RAG2: variants seen among roughly 807,000 people sequenced by gnomAD.
RAG2 encodes the protein V(D)J recombination-activating protein 2.
RAG2 carries 16 observed loss-of-function variants against 31.8 expected under a neutral mutation model. The ratio of observed to expected loss-of-function variants is 0.50; its 90% CI spans 0.34 to 0.76. RAG2 has a LOEUF of 0.76. Among genes scored for constraint, RAG2 ranks in the 30% least tolerant of loss-of-function variants. The pLI, the probability that RAG2 is intolerant of heterozygous loss-of-function variation, is 0.01. For synonymous variants in RAG2, 199 were observed against 215.9 expected (o/e 0.92, Z 0.68); for missense variants, 622 against 628.5 (o/e 0.99, Z 0.11).
Position 36,593,398 on chromosome 11 carries a change from A to G in RAG2, c.771T>C (p.Ser257=), listed in dbSNP as rs1450589029. Reference sequence around the variant, plus strand: ...TTTGAGTCAGGATTGCACTGGAGACAGAGATTCCTCCTGGCAAGACTGTGC... The same window carrying G: ...TTTGAGTCAGGATTGCACTGGAGACGGAGATTCCTCCTGGCAAGACTGTGC... The part of the protein sequence containing the change: ...VNCTVLPGGI[S]VSSAILTQTN... Residue 257 remains serine (S), a synonymous_variant, in exon 2 of 2, where the codon TCT becomes TCC. Transcript: ENST00000311485. 2 of 1,614,144 alleles carry G rather than the reference A, an allele frequency of 1.2e-6. No homozygotes were observed. The highest frequency in any genetic ancestry group is 1.3e-5 in the African/African-American group (1 of 75,058).
downstream of RAG2, among the ~76,000 whole-genome samples, chr11:36,591,407 A>AT (rs1301753296): frequency 4.0e-5 from 6 of 151,350 alleles, no homozygotes; most frequent in Admixed American, 2.0e-4. Context: ...TTTCCAGAAA[A>AT]TTTTTTTTTC....
intron 1 of RAG2, among the ~76,000 whole-genome samples, chr11:36,597,178 G>T (rs1851303793): frequency 6.6e-6 from 1 of 152,174 alleles, no homozygotes; most frequent in Non-Finnish European, 1.5e-5. Context: ...GTTTTCACAT[G>T]ATTTTGCCAC....
rs1308843532 is a variant in RAG2, at chr11:36,593,081, G to A, written c.1088C>T (p.Thr363Ile). 1 of 1,614,074 alleles carries A rather than the reference G, an allele frequency of 6.2e-7. No individual in the cohort carries two copies. The highest frequency in any genetic ancestry group is 8.5e-7 in the Non-Finnish European group (1 of 1,179,950). The change falls in exon 2 of 2, where the codon ACA becomes ATA. Residue 363 changes from threonine to isoleucine, a missense_variant. Physicochemically the swap from Thr to Ile is moderately conservative, Grantham distance 89. Coordinates refer to ENST00000311485, the MANE Select transcript of RAG2 (RefSeq NM_000536.4). ...DDTNEEQTTFTNSQTSTEDPG... is the reference protein window; with the variant it reads ...DDTNEEQTTFINSQTSTEDPG... ...ATCTTCTGTTGATGTTTGACTGTTT[G>A]TGAATGTTGTCTGCTCTTCATTAGT...
In RAG2 at chr11:36,592,892, T is replaced by G; in HGVS notation, c.1277A>C (p.Asp426Ala). The change falls in exon 2 of 2, where the codon GAT (aspartate) becomes GCT (alanine). Residue 426 changes from aspartate to alanine, a missense_variant. Asp to Ala is a moderately radical substitution (Grantham distance 126). Coordinates refer to ENST00000311485, the MANE Select transcript of RAG2 (RefSeq NM_000536.4). ...ATAGAATGGTACCCAAGTGTTGATATCCACATCACAAGTAGGGCAGCATGT... is the reference window on the plus strand; with the variant it reads ...ATAGAATGGTACCCAAGTGTTGATAGCCACATCACAAGTAGGGCAGCATGT... ...WITCCPTCDV[D>A]INTWVPFYST... 1 of 1,614,154 alleles carries G rather than the reference T, an allele frequency of 6.2e-7. No individual in the cohort carries two copies. The highest frequency in any genetic ancestry group is 8.5e-7 in the Non-Finnish European group (1 of 1,180,034).
rs780060712 is a variant in RAG2 at position 36,594,137 on chromosome 11, T to C, written c.32A>G (p.Asn11Ser). The change falls in exon 2 of 2, where the codon AAC (asparagine) becomes AGC (serine). Residue 11 changes from asparagine to serine, a missense_variant. By Grantham distance (46) the Asn-to-Ser change is conservative. Coordinates refer to ENST00000311485, the MANE Select transcript of RAG2 (RefSeq NM_000536.4). MSLQMVTVSN[N>S]IALIQPGFSL... is the part of the protein sequence containing the mutation. Reference sequence around the variant, plus strand: ...GAAGCCTGGCTGAATTAAGGCTATGTTATTACTGACTGTTACCATCTGCAG... The same window carrying C: ...GAAGCCTGGCTGAATTAAGGCTATGCTATTACTGACTGTTACCATCTGCAG... The C allele has an allele frequency of 2.5e-6, 4 of 1,613,760 alleles. No homozygotes were observed. In the South Asian group the frequency reaches 4.4e-5, roughly 18 times the overall value.
intron 1 of RAG2, 58 bp from the exon 2 acceptor site, chr11:36,594,253 A>T: frequency 8.9e-7 from 1 of 1,119,738 alleles, no homozygotes; most frequent in African/African-American, 1.5e-5. Flanking sequence ...CATCGTATTT[A>T]GATTCCTTCA....
chr11:36,596,229 T>TG (rs980812622), intron 1 of RAG2, among the ~76,000 whole-genome samples: 6 of 150,848 alleles, frequency 4.0e-5, no homozygotes, highest in African/African-American at 1.2e-4. Flanking sequence ...TTTGTTTTTT[T>TG]TTTTTTTTGC....
chr11:36,596,265 G>A (rs16929106), intron 1 of RAG2, among the ~76,000 whole-genome samples: 1,728 of 130,618 alleles, frequency 0.013, 19 homozygotes, highest in East Asian at 0.033. Context: ...TAGATCAGCT[G>A]TAATTTACTG....
In RAG2 at chr11:36,594,132, C is replaced by T; in HGVS notation, c.37G>A (p.Ala13Thr). ...LQMVTVSNNIALIQPGFSLMN... is the reference protein window; with the variant it reads ...LQMVTVSNNITLIQPGFSLMN... The stretch of plus-strand genomic sequence containing the variant: ...AGTGAGAAGCCTGGCTGAATTAAGG[C>T]TATGTTATTACTGACTGTTACCATC... Residue 13 changes from alanine to threonine, a missense_variant, in exon 2 of 2, where the codon GCC becomes ACC. Coordinates refer to ENST00000311485, the MANE Select transcript of RAG2 (RefSeq NM_000536.4). 1.2e-6 allele frequency: 2 copies of T among 1,613,906 alleles called. No homozygotes were observed. The highest frequency in any genetic ancestry group is 2.2e-5 in the East Asian group (1 of 44,888).
chr11:36,596,331 G>C (rs1482936171), intron 1 of RAG2, among the ~76,000 whole-genome samples: 1 of 151,714 alleles, frequency 6.6e-6, no homozygotes, highest in Non-Finnish European at 1.5e-5. Flanking sequence ...TCGTAAGGGG[G>C]TGATCTTTCA....
rs1429482634 is a variant in RAG2 at position 36,592,826 on chromosome 11, T to C, written c.1343A>G (p.His448Arg). 2 of 1,614,130 alleles carry C rather than the reference T, an allele frequency of 1.2e-6. No homozygotes were observed. Among genetic ancestry groups the C allele is most frequent in the Non-Finnish European group, 1.7e-6 (2 of 1,180,028 alleles). ...LNKPAMIYCS[H>R]GDGHWVHAQC... is the part of the protein sequence containing the mutation. Reference sequence around the variant, plus strand: ...AGCATGGACCCAGTGCCCATCCCCATGAGAGCAGTAGATCATGGCGGGTTT... The same window carrying C: ...AGCATGGACCCAGTGCCCATCCCCACGAGAGCAGTAGATCATGGCGGGTTT... Residue 448 changes from histidine to arginine, a missense_variant, in exon 2 of 2, where the codon CAT (histidine) becomes CGT (arginine). Transcript: ENST00000311485.
At position 36,593,442 on chromosome 11, in the gene RAG2, C is replaced by T. The variant is rs777301719; in HGVS notation, c.727G>A (p.Gly243Ser). 1.9e-6 allele frequency: 3 copies of T among 1,613,930 alleles called. No individual in the cohort carries two copies. Among genetic ancestry groups the T allele is most frequent in the Non-Finnish European group, 2.5e-6 (3 of 1,180,028 alleles). The change falls in exon 2 of 2, where the codon GGT becomes AGT. Residue 243 changes from glycine to serine, a missense_variant. Physicochemically the swap from Gly to Ser is moderately conservative, Grantham distance 56 (BLOSUM62 0). Transcript: ENST00000311485. ...ACTGTGCAATTCACAGCTGGGCTAC[C>T]CAGGGGAAGATCAACCCTTATTCTG... ...LYRIRVDLPL[G>S]SPAVNCTVLP...
rs1414786086 is a variant in RAG2 at position 36,592,554 on chromosome 11, A to G, written c.*31T>C. On this transcript the variant is annotated 3_prime_UTR_variant, in exon 2 of 2. Transcript: ENST00000311485. Reference sequence around the variant, plus strand: ...TTTTAAAAATAGATTCAAAAATTCCATACACCTGAATCTGAAAGGCTTTTG... The same window carrying G: ...TTTTAAAAATAGATTCAAAAATTCCGTACACCTGAATCTGAAAGGCTTTTG... 7 of 1,609,516 alleles carry G rather than the reference A, an allele frequency of 4.3e-6. No individual in the cohort carries two copies. Among genetic ancestry groups the G allele is most frequent in the Non-Finnish European group, 5.9e-6 (7 of 1,176,822 alleles).
intron 1 of RAG2, among the ~76,000 whole-genome samples, chr11:36,596,212 TTTTTTTTTTG>T (rs996353697): frequency 8.0e-6 from 1 of 125,698 alleles, no homozygotes; most frequent in African/African-American, 3.4e-5. Context: ...GATGGTAGTG[TTTTTTTTTTG>T]TTTTTTTTTT....
chr11:36,595,539 C>T (rs542464528), intron 1 of RAG2, among the ~76,000 whole-genome samples: 1 of 152,232 alleles, frequency 6.6e-6, no homozygotes, highest in Non-Finnish European at 1.5e-5. Flanking sequence ...TAAACAATGG[C>T]TGAGTGTGGA....
intron 1 of RAG2, 42 bp from the exon 2 acceptor site, chr11:36,594,237 T>G (rs1282176989): frequency 2.4e-6 from 3 of 1,245,706 alleles, no homozygotes; most frequent in Non-Finnish European, 2.4e-6. Context: ...GATCGCTTCA[T>G]ATAATCATCG....
In RAG2 at chr11:36,597,189, A is replaced by G. The variant is rs187886240; in HGVS notation, c.-28+913T>C. ...AAGTGTTTTCACATGATTTTGCCAC[A>G]TTTGGTTTTTGAAATTTTGCTTTAT... is the stretch of plus-strand genomic sequence containing the variant. On this transcript the variant is annotated intron_variant, in intron 1 of 1. Coordinates refer to ENST00000311485, the MANE Select transcript of RAG2 (RefSeq NM_000536.4). Among the ~76,000 whole-genome samples the G allele has an allele frequency of 1.0e-3, 158 of 152,328 alleles. 1 individual carries two copies. The highest frequency in any genetic ancestry group is 3.3e-3 in the South Asian group (16 of 4,832).
downstream of RAG2, chr11:36,591,851 C>A (rs1300231259): frequency 6.6e-6 from 1 of 152,154 alleles, no homozygotes; most frequent in Non-Finnish European, 1.5e-5. Context: ...GTTCAAATGA[C>A]TGACTTTGGC....
Position 36,592,473 on chromosome 11 carries a change from A to T in RAG2, c.*112T>A. On this transcript the variant is annotated 3_prime_UTR_variant, in exon 2 of 2. Transcript: ENST00000311485. ...CTGGCCCTTAATTCATGTAACTAAA[A>T]GAAAACATAGGCATTTTAAATAAAC... 7.3e-7 allele frequency: 1 copy of T among 1,368,822 alleles called. No individual in the cohort carries two copies. Among genetic ancestry groups the T allele is most frequent in the Non-Finnish European group, 9.9e-7 (1 of 1,012,974 alleles). The allele number at this position is 1,368,822 out of a possible 1,614,324, so 84.8% of individuals were successfully genotyped here. A position where few individuals can be genotyped will look rare whatever the true frequency, so the allele number is the denominator to read the frequency against.
Sources: gnomAD v4.1 joint callset for allele counts (sites outside exome capture counted in the v4.1 genomes callset) on GRCh38, gnomAD v4.1.1 for gene constraint, MANE v1.5 for transcripts, NCBI Gene and HGNC (gene_info 2026-07-23, HGNC 2026-07-21) for gene names.